The following EYS variants were observed in gnomAD, a reference collection of about 807,000 sequenced individuals.
EYS encodes the protein EGF-like photoreceptor maintenance factor, also known as protein eyes shut homolog.
EYS carries 250 observed loss-of-function variants against 282.1 expected under a neutral mutation model. The observed-to-expected ratio is 0.89, with a 90% CI of 0.80 to 0.98. EYS has a LOEUF of 0.98. Among genes scored for constraint, EYS ranks in the 50% least tolerant of loss-of-function variants. The pLI is 0.00. For missense variants in EYS, 4,016 were observed against 3,709.0 expected (o/e 1.08, Z -2.15); for synonymous variants, 1,355 against 1,282.9 (o/e 1.06, Z -1.20).
At position 64,590,628 on chromosome 6, in the gene EYS, C is replaced by T; in HGVS notation, c.5239G>A (p.Glu1747Lys). The T allele has an allele frequency of 6.4e-7, 1 of 1,551,236 alleles. No homozygotes were observed. The highest frequency in any genetic ancestry group is 8.7e-7 in the Non-Finnish European group (1 of 1,146,720). Residue 1747 changes from glutamate to lysine, a missense_variant, in exon 26 of 43, where the codon GAG becomes AAG. Coordinates refer to ENST00000503581, the MANE Select transcript of EYS (RefSeq NM_001142800.2). Reference protein sequence around the residue: ...LHPSDSSLDFELNLQIYPDVT... With the variant: ...LHPSDSSLDFKLNLQIYPDVT... ...TCCGGATAAATTTGTAAGTTTAACTCAAAATCCAGAGAACTATCACTTGGG... is the reference window on the plus strand; with the variant it reads ...TCCGGATAAATTTGTAAGTTTAACTTAAAATCCAGAGAACTATCACTTGGG...
chr6:64,091,371 C>T (rs78045103), intron 31 of EYS, among the ~76,000 whole-genome samples: 6,303 of 152,216 alleles, frequency 0.041, 382 homozygotes, highest in African/African-American at 0.13. Flanking sequence ...TCTTCCCTCA[C>T]CCCCAGATTA....
rs60017613 is a variant in EYS at position 65,016,207 on chromosome 6, A to T, written c.2138-18504T>A. 6.3e-3 allele frequency among the ~76,000 whole-genome samples: 958 copies of T among 152,098 alleles called. 18 individuals are homozygous for T. The highest frequency in any genetic ancestry group is 0.021 in the African/African-American group (857 of 41,522). On this transcript the variant is annotated intron_variant, in intron 13 of 42. Transcript: ENST00000503581. ...GGTGAAACCTCGTTTCTACTAAAAA[A>T]AAAAAGTATATATATATTTTTCCTC... is the stretch of plus-strand genomic sequence containing the variant.
At chr6:64,902,595 G>C in intron 16 of EYS, 95 bp from the exon 17 acceptor site, 2 of 665,038 alleles carry the variant, frequency 3.0e-6, no homozygotes, top group Non-Finnish European at 4.8e-6. Context: ...ACTCATAATG[G>C]AGGTTAAAAA....
rs141102573 is a variant in EYS, at chr6:64,000,908, G to A, written c.6726-1725C>T. The stretch of plus-strand genomic sequence containing the variant: ...CAGGCCTGTAATGCCAGCACTTTGG[G>A]AGGCCACCCTTAGGTGCTCTTTCTC... On this transcript the variant is annotated intron_variant, in intron 33 of 42. Transcript: ENST00000503581. Among the ~76,000 whole-genome samples the A allele has an allele frequency of 7.8e-3, 1,189 of 152,256 alleles. 12 individuals carry two copies. The highest frequency in any genetic ancestry group is 0.027 in the African/African-American group (1,138 of 41,560).
intron 32 of EYS, among the ~76,000 whole-genome samples, chr6:64,077,369 G>T (rs1288247943): frequency 6.6e-6 from 1 of 151,966 alleles, no homozygotes; most frequent in African/African-American, 2.4e-5. Flanking sequence ...TATTCTGCTG[G>T]AAATCATTTT....
In EYS at chr6:65,292,691, A is replaced by C. The variant is rs182715505; in HGVS notation, c.2023+3172T>G. Reference sequence around the variant, plus strand: ...AAGGCATCAATAACTGGCACTGTACAGTGGGAGCTAGGTTCCAGCTGAAAT... The same window carrying C: ...AAGGCATCAATAACTGGCACTGTACCGTGGGAGCTAGGTTCCAGCTGAAAT... On this transcript the variant is annotated intron_variant, in intron 12 of 42. Coordinates refer to ENST00000503581, the MANE Select transcript of EYS (RefSeq NM_001142800.2). Among the ~76,000 whole-genome samples, 207 of 151,918 alleles carry C rather than the reference A, an allele frequency of 1.4e-3. 1 individual carries two copies. The Middle Eastern group carries it at 0.017, about 12-fold the overall frequency.
rs145362041 is a variant in EYS at position 65,034,358 on chromosome 6, C to T, written c.2137+23256G>A. Among the ~76,000 whole-genome samples the T allele has an allele frequency of 3.9e-5, 6 of 152,088 alleles. No homozygotes were observed. The East Asian group carries it at 9.7e-4, about 25-fold the overall frequency. On this transcript the variant is annotated intron_variant, in intron 13 of 42. Transcript: ENST00000503581. Reference sequence around the variant, plus strand: ...TGATGTGAGAAGTACATGAGATTTGCGAGGGGCCAGTGGTAGAATGATATA... The same window carrying T: ...TGATGTGAGAAGTACATGAGATTTGTGAGGGGCCAGTGGTAGAATGATATA...
chr6:64,273,651 T>C (rs1768013740), intron 30 of EYS, among the ~76,000 whole-genome samples: 1 of 152,172 alleles, frequency 6.6e-6, no homozygotes, highest in African/African-American at 2.4e-5. Context: ...CCTTAAATAC[T>C]AATAGTCTCA....
chr6:64,037,344 C>T (rs1770170860), intron 33 of EYS, among the ~76,000 whole-genome samples: 1 of 152,020 alleles, frequency 6.6e-6, no homozygotes, highest in African/African-American at 2.4e-5. Context: ...ACATTTAGTA[C>T]AAAAGTGGAA....
intron 14 of EYS, among the ~76,000 whole-genome samples, chr6:64,972,927 T>G (rs1345860096): frequency 6.6e-6 from 1 of 152,204 alleles, no homozygotes; most frequent in Non-Finnish European, 1.5e-5. Context: ...TCACCTCTAA[T>G]GTATATGAAT....
intron 5 of EYS, among the ~76,000 whole-genome samples, chr6:65,453,760 A>G (rs1455538136): frequency 6.6e-6 from 1 of 151,948 alleles, no homozygotes; most frequent in African/African-American, 2.4e-5. Flanking sequence ...GATACCAGGT[A>G]TGAGTGAGAT....
At chr6:65,616,831 G>C (rs1766216445) in intron 2 of EYS, among the ~76,000 whole-genome samples, 1 of 151,178 alleles carries the variant, frequency 6.6e-6, no homozygotes, top group African/African-American at 2.4e-5. Context: ...ATAAAACGAA[G>C]AAAAAATAAA....
intron 5 of EYS, among the ~76,000 whole-genome samples, chr6:65,423,479 A>G (rs1484421741): frequency 6.6e-6 from 1 of 151,940 alleles, no homozygotes; most frequent in East Asian, 1.9e-4. Flanking sequence ...TCAGCTTTTT[A>G]GAACAGATCC....
chr6:64,497,977 C>G (rs1235994312), intron 26 of EYS, among the ~76,000 whole-genome samples: 2 of 151,982 alleles, frequency 1.3e-5, no homozygotes, highest in Non-Finnish European at 2.9e-5. Flanking sequence ...GTAAGGAAAA[C>G]CAAACACACC....
chr6:64,962,478 C>G (rs1769953813), intron 14 of EYS, among the ~76,000 whole-genome samples: 1 of 151,708 alleles, frequency 6.6e-6, no homozygotes, highest in Non-Finnish European at 1.5e-5. Context: ...TGCCTGAAAT[C>G]ATAGCCCTTT....
chr6:64,703,382 G>GAC (rs1165808043), intron 22 of EYS, among the ~76,000 whole-genome samples: 947 of 35,874 alleles, frequency 0.026, 78 homozygotes, highest in East Asian at 0.14. Flanking sequence ...CACACACACA[G>GAC]ACACACACAC....
At chr6:65,683,975 G>A (rs766247971) in intron 1 of EYS, among the ~76,000 whole-genome samples, 1 of 151,972 alleles carries the variant, frequency 6.6e-6, no homozygotes, top group Admixed American at 6.6e-5. Context: ...TAGGCAAAGG[G>A]TATCATCACT....
At chr6:64,295,910 A>G (rs1768962999) in intron 30 of EYS, among the ~76,000 whole-genome samples, 1 of 152,124 alleles carries the variant, frequency 6.6e-6, no homozygotes, top group Non-Finnish European at 1.5e-5. Flanking sequence ...AGGGGATATT[A>G]ACAAATATTA....
chr6:65,130,564 A>T (rs1389415173), intron 12 of EYS, among the ~76,000 whole-genome samples: 1 of 151,896 alleles, frequency 6.6e-6, no homozygotes, highest in African/African-American at 2.4e-5. Flanking sequence ...AAAACCAAAT[A>T]CTGCATATTG....
Sources: gnomAD v4.1 joint callset for allele counts (sites outside exome capture counted in the v4.1 genomes callset) on GRCh38, gnomAD v4.1.1 for gene constraint, MANE v1.5 for transcripts, NCBI Gene and HGNC (gene_info 2026-07-23, HGNC 2026-07-21) for gene names.